The following KRT2 variants were observed in gnomAD, a reference collection of about 807,000 sequenced individuals.
KRT2 encodes keratin, type II cytoskeletal 2 epidermal.
In KRT2, 37 loss-of-function variants were observed where a neutral mutation model predicts 48.5. That is an observed-to-expected ratio of 0.76 (90% CI 0.59 to 1.00). The LOEUF is 1.00. Among genes scored for constraint, KRT2 ranks in the 50% least tolerant of loss-of-function variants. The pLI is 0.00. For missense variants in KRT2, 880 were observed against 815.2 expected (o/e 1.08, Z -0.97); for synonymous variants, 324 against 312.2 (o/e 1.04, Z -0.40).
chr12:52,645,781 T>C (rs1941155575), intron 7 of KRT2, among the ~76,000 whole-genome samples: 1 of 152,198 alleles, frequency 6.6e-6, no homozygotes, highest in African/African-American at 2.4e-5. Context: ...TCCCTCTCAA[T>C]TTTTGCTCTG....
Position 52,646,873 on chromosome 12 carries a change from C to G in KRT2, c.1336G>C (p.Glu446Gln), listed in dbSNP as rs1214032334. The G allele has an allele frequency of 6.2e-7, 1 of 1,614,072 alleles. No homozygotes were observed. Among genetic ancestry groups the G allele is most frequent in the African/African-American group, 1.3e-5 (1 of 74,930 alleles). ...KDARNKLNDL[E>Q]EALQQAKEDL... ...TCCTTGGCCTGCTGCAGGGCCTCCT[C>G]CAGGTCATTCAACTTGTTCCTGGCA... The change falls in exon 7 of 9, where the codon GAG (glutamate) becomes CAG (glutamine). Residue 446 changes from glutamate to glutamine, a missense_variant. Physicochemically the swap from Glu to Gln is conservative, Grantham distance 29. Transcript: ENST00000309680.
At position 52,650,471 on chromosome 12, in the gene KRT2, A is replaced by C. The variant is rs1263740359; in HGVS notation, c.668T>G (p.Ile223Ser). 6.2e-7 allele frequency: 1 copy of C among 1,613,898 alleles called. No homozygotes were observed. Among genetic ancestry groups the C allele is most frequent in the African/African-American group, 1.3e-5 (1 of 74,936 alleles). ...LQQMNVGTRP[I>S]NLEPIFQGYI... ...CCCCTGGAAGATGGGCTCCAGGTTG[A>C]TGGGGCGGGTGCCAACATTCATTTG... The change falls in exon 2 of 9, where the codon ATC (isoleucine) becomes AGC (serine). Residue 223 changes from isoleucine (I) to serine (S), a missense_variant. Ile to Ser is a moderately radical substitution (Grantham distance 142). Transcript: ENST00000309680.
At position 52,644,907 on chromosome 12, in the gene KRT2, G is replaced by T; in HGVS notation, c.*112C>A. On this transcript the variant is annotated 3_prime_UTR_variant, in exon 9 of 9. Coordinates refer to ENST00000309680, the MANE Select transcript of KRT2 (RefSeq NM_000423.3). ...TCTTTTCCCTCAAAGTGCCATCAGA[G>T]ATAAATGACAAAAATTTAACTTGCT... 8.6e-7 allele frequency: 1 copy of T among 1,162,080 alleles called. No homozygotes were observed. Among genetic ancestry groups the T allele is most frequent in the South Asian group, 1.3e-5 (1 of 76,088 alleles). 72.0% of individuals were successfully genotyped at this position (1,162,080 alleles called of 1,614,324 possible).
intron 4 of KRT2, 38 bp downstream of exon 4, chr12:52,648,969 G>A (rs1158029090): frequency 3.2e-6 from 4 of 1,247,870 alleles, no homozygotes; most frequent in Non-Finnish European, 4.7e-6. Context: ...GGTGAGAAGG[G>A]TGGGAAGTAA....
At position 52,650,811 on chromosome 12, in the gene KRT2, G is replaced by A. The variant is rs1941238208; in HGVS notation, c.586-258C>T. On this transcript the variant is annotated intron_variant, in intron 1 of 8. Transcript: ENST00000309680. ...TTCACTGCTCACTGGTTTGTTTGCA[G>A]CTGCTCCCAATACTCTAGACCATTT... The A allele has an allele frequency of 5.6e-6, 3 of 538,600 alleles. No individual in the cohort carries two copies. In the East Asian group the frequency reaches 1.0e-4, roughly 18 times the overall value. 33.4% of individuals were successfully genotyped at this position (538,600 alleles called of 1,614,324 possible).
rs757342048 is a variant in KRT2, at chr12:52,648,245, G to A, written c.1050C>T (p.Ala350=). 6.8e-6 allele frequency: 11 copies of A among 1,613,968 alleles called. No homozygotes were observed. The highest frequency in any genetic ancestry group is 2.2e-5 in the East Asian group (1 of 44,884). Residue 350 remains alanine (A), a synonymous_variant, in exon 5 of 9, where the codon GCC becomes GCT. Coordinates refer to ENST00000309680, the MANE Select transcript of KRT2 (RefSeq NM_000423.3). The part of the protein sequence containing the change: ...SRNLDLDSII[A]EVKAQYEEIA... Reference sequence around the variant, plus strand: ...TCTCCTCATACTGGGCCTTGACCTCGGCGATGATGCTATCCAAGTCCAGGT... The same window carrying A: ...TCTCCTCATACTGGGCCTTGACCTCAGCGATGATGCTATCCAAGTCCAGGT...
chr12:52,644,971 A>T lies in KRT2; in HGVS notation c.*48T>A. 1 of 1,602,994 alleles carries T rather than the reference A, an allele frequency of 6.2e-7. No individual in the cohort carries two copies. Among genetic ancestry groups the T allele is most frequent in the Non-Finnish European group, 8.5e-7 (1 of 1,170,140 alleles). On this transcript the variant is annotated 3_prime_UTR_variant, in exon 9 of 9. Transcript: ENST00000309680. The stretch of plus-strand genomic sequence containing the variant: ...ACAGAGACAGGCTTCTACATTCTGG[A>T]GTGGGAGAGTCTGGGTTGGGAGAGT...
chr12:52,647,755 C>G lies in KRT2; in HGVS notation c.1223G>C (p.Gly408Ala). The change falls in exon 6 of 9, where the codon GGG becomes GCG. Residue 408 changes from glycine to alanine, a missense_variant. Transcript: ENST00000309680. Reference protein sequence around the residue: ...ELNRVIQRLQGEIAHVKKQCK... With the variant: ...ELNRVIQRLQAEIAHVKKQCK... Reference sequence around the variant, plus strand: ...CTGCTTCTTCACATGTGCGATCTCCCCCTGCAGCCTCTGGATCACGCGGTT... The same window carrying G: ...CTGCTTCTTCACATGTGCGATCTCCGCCTGCAGCCTCTGGATCACGCGGTT... The G allele has an allele frequency of 6.2e-7, 1 of 1,613,958 alleles. No individual in the cohort carries two copies. The highest frequency in any genetic ancestry group is 2.2e-5 in the East Asian group (1 of 44,856).
chr12:52,650,620 C>A lies in KRT2; in HGVS notation c.586-67G>T, dbSNP rs549507678. The stretch of plus-strand genomic sequence containing the variant: ...CTTCACACCAAGCAAGCCACGCTGG[C>A]CAGGGGCAGCTCAGGTGCTGCTTCA... On this transcript the variant is annotated intron_variant, in intron 1 of 8. Transcript: ENST00000309680. 1.5e-5 allele frequency: 20 copies of A among 1,335,354 alleles called. No homozygotes were observed. In the East Asian group the frequency reaches 4.4e-4, roughly 29 times the overall value. 82.7% of individuals were successfully genotyped at this position (1,335,354 alleles called of 1,614,324 possible).
intron 6 of KRT2, 40 bp from the exon 7 acceptor site, chr12:52,647,000 G>A (rs765908344): frequency 1.3e-6 from 2 of 1,584,448 alleles, no homozygotes; most frequent in South Asian, 2.2e-5. Context: ...GCCTGACGGA[G>A]GCGGACAGAG....
Position 52,644,686 on chromosome 12 carries a change from C to T in KRT2, c.*333G>A, listed in dbSNP as rs1339617086. 2.7e-6 allele frequency: 1 copy of T among 375,584 alleles called. No individual in the cohort carries two copies. Among genetic ancestry groups the T allele is most frequent in the Admixed American group, 4.1e-5 (1 of 24,514 alleles). 23.3% of individuals were successfully genotyped at this position (375,584 alleles called of 1,614,324 possible). On this transcript the variant is annotated 3_prime_UTR_variant, in exon 9 of 9. Transcript: ENST00000309680. ...CACTGCCAGGCTTAGAGATGAAATC[C>T]CTGGATGGGCCTGGGTCCTCAACAG...
chr12:52,646,673 C>T lies in KRT2; in HGVS notation c.1469+67G>A, dbSNP rs77747872. On this transcript the variant is annotated intron_variant, in intron 7 of 8. Transcript: ENST00000309680. ...TCTCTGCTTTCCCTGTCTTTGCCTC[C>T]AGCCCTGGCTCTGGGAGAGATGAGA... is the stretch of plus-strand genomic sequence containing the variant. 9,260 of 1,573,142 alleles carry T rather than the reference C, an allele frequency of 5.9e-3. 34 individuals carry two copies. Among genetic ancestry groups the T allele is most frequent in the Non-Finnish European group, 7.3e-3 (8,348 of 1,145,326 alleles).
At chr12:52,649,782 G>T in intron 3 of KRT2, 132 bp downstream of exon 3, 1 of 752,520 alleles carries the variant, frequency 1.3e-6, no homozygotes, top group Non-Finnish European at 2.4e-6. Flanking sequence ...AAGAGAATGT[G>T]CCATGGGTCT....
chr12:52,647,615 A>G, intron 6 of KRT2, 115 bp downstream of exon 6: 7 of 1,234,952 alleles, frequency 5.7e-6, no homozygotes, highest in Non-Finnish European at 8.1e-6. Context: ...GATACATGCT[A>G]GAGTGCAATA....
chr12:52,650,667 G>C, intron 1 of KRT2, 114 bp from the exon 2 acceptor site: 1 of 843,276 alleles, frequency 1.2e-6, no homozygotes, highest in Non-Finnish European at 2.0e-6. Flanking sequence ...AGTGTCTGAG[G>C]CTGGATGCCG....
chr12:52,645,275 C>T lies in KRT2; in HGVS notation c.1664G>A (p.Gly555Glu), dbSNP rs770038779. 1 of 1,614,150 alleles carries T rather than the reference C, an allele frequency of 6.2e-7. No individual in the cohort carries two copies. The highest frequency in any genetic ancestry group is 8.5e-7 in the Non-Finnish European group (1 of 1,180,030). The change falls in exon 9 of 9, where the codon GGA becomes GAA. Residue 555 changes from glycine to glutamate, a missense_variant. Gly to Glu is a moderately conservative substitution (Grantham distance 98). Coordinates refer to ENST00000309680, the MANE Select transcript of KRT2 (RefSeq NM_000423.3). ...QSGSRGGSGG[G>E]GSISGGGYGS... ...ATATCCTCCTCCAGAGATAGAACCT[C>T]CTCCTCCACTACCGCCTCTGGAGCC... is the stretch of plus-strand genomic sequence containing the variant.
chr12:52,650,573 AGCACATGAGTTCTAGATCATCCT>A lies in KRT2; in HGVS notation c.586-43_586-21del. 6.2e-7 allele frequency: 1 copy of A among 1,602,314 alleles called. No homozygotes were observed. The highest frequency in any genetic ancestry group is 1.3e-5 in the African/African-American group (1 of 74,766). The stretch of plus-strand genomic sequence containing the variant: ...CCGCACCTGCCATGACCAGAAGGAG[AGCACATGAGTTCTAGATCATCCT>A]TCACACCAAGCAAGCCACGCTGGCC... On this transcript the variant is annotated intron_variant, in intron 1 of 8. Transcript: ENST00000309680.
intron 4 of KRT2, among the ~76,000 whole-genome samples, 186 bp from the exon 5 acceptor site, chr12:52,648,523 G>A (rs927337405): frequency 1.6e-4 from 25 of 152,290 alleles, no homozygotes; most frequent in East Asian, 1.9e-4. Context: ...GTAGTGAGAG[G>A]CACCTGTATT....
At chr12:52,651,524 G>T (rs772086447) in intron 1 of KRT2, 34 bp downstream of exon 1, 1 of 1,480,506 alleles carries the variant, frequency 6.8e-7, no homozygotes, top group South Asian at 1.1e-5. Context: ...GAAGTGGCCT[G>T]AGCATCAGTG....
Sources: allele counts gnomAD v4.1 joint callset (sites outside exome capture counted in the v4.1 genomes callset), GRCh38; gene constraint gnomAD v4.1.1; transcripts MANE v1.5; gene names NCBI Gene and HGNC (gene_info 2026-07-23, HGNC 2026-07-21).